Variants in UGGT2 observed in about 807,000 individuals in gnomAD.
UGGT2 encodes UDP-glucose glycoprotein glucosyltransferase 2.
Under a neutral mutation model 192.1 loss-of-function variants are expected in UGGT2, and 180 were observed. That is an observed-to-expected ratio of 0.94 (90% CI 0.83 to 1.06). The LOEUF (loss-of-function observed/expected upper bound fraction) is 1.06, where lower values mean the gene tolerates loss of function less well. UGGT2 is among the 50% of genes least tolerant of loss of function. UGGT2 has a pLI of 0.00. For synonymous variants in UGGT2, 580 were observed against 591.0 expected, an observed-to-expected ratio of 0.98 and a Z score of 0.27; for missense variants, 1,849 against 1,795.7, an observed-to-expected ratio of 1.03 and a Z score of -0.54.
chr13:96,010,762 G>C (rs970981051), intron 5 of UGGT2, among the ~76,000 whole-genome samples: 1 of 152,098 alleles, frequency 6.6e-6, no homozygotes, highest in Non-Finnish European at 1.5e-5. Flanking sequence ...TGTAGATACA[G>C]ACAAGCCGAT....
At position 96,048,243 on chromosome 13, in the gene UGGT2, A is replaced by G. The variant is rs143964160; in HGVS notation, c.158+4912T>C. Among the ~76,000 whole-genome samples the G allele has an allele frequency of 4.2e-4, 64 of 152,368 alleles. 1 individual carries two copies. Among genetic ancestry groups the G allele is most frequent in the African/African-American group, 1.4e-3 (60 of 41,598 alleles). On this transcript the variant is annotated intron_variant, in intron 1 of 38. Coordinates refer to ENST00000376747, the MANE Select transcript of UGGT2 (RefSeq NM_020121.4). ...CTGCTCCTGAATGACTACTGGGTAC[A>G]TAACAAAATGAAGGCAGAAATAAAG...
intron 12 of UGGT2, among the ~76,000 whole-genome samples, chr13:95,951,452 C>T (rs535266338): frequency 1.8e-4 from 27 of 152,300 alleles, no homozygotes; most frequent in African/African-American, 5.3e-4. Flanking sequence ...TATCTTGACC[C>T]AAAGGCAGCT....
intron 27 of UGGT2, among the ~76,000 whole-genome samples, chr13:95,878,686 C>G (rs1160348193): frequency 6.6e-6 from 1 of 152,146 alleles, no homozygotes; most frequent in Non-Finnish European, 1.5e-5. Context: ...AGCAATGTTA[C>G]CTATATCTAA....
At chr13:95,934,727 T>C (rs1018371077) in intron 17 of UGGT2, among the ~76,000 whole-genome samples, 2 of 152,184 alleles carry the variant, frequency 1.3e-5, no homozygotes, top group Admixed American at 1.3e-4. Context: ...CAGGCTGGTC[T>C]CAAACTCCTC....
intron 17 of UGGT2, 110 bp from the exon 18 acceptor site, chr13:95,927,446 G>C: frequency 2.8e-6 from 2 of 718,106 alleles, no homozygotes; most frequent in Non-Finnish European, 4.1e-6. Flanking sequence ...AAGCAATTTA[G>C]AATTATTACA....
intron 20 of UGGT2, among the ~76,000 whole-genome samples, chr13:95,911,153 C>T (rs1269247165): frequency 2.0e-5 from 3 of 152,192 alleles, no homozygotes; most frequent in Admixed American, 6.5e-5. Flanking sequence ...CTAAAATCAA[C>T]ACCCTAACAT....
intron 36 of UGGT2, among the ~76,000 whole-genome samples, chr13:95,849,050 T>C (rs868288361): frequency 1.3e-5 from 2 of 152,200 alleles, no homozygotes; most frequent in Non-Finnish European, 2.9e-5. Context: ...ACTGTGTTTT[T>C]AATTTTAAAT....
At chr13:96,001,545 C>G (rs540898337) in intron 5 of UGGT2, among the ~76,000 whole-genome samples, 37 of 152,278 alleles carry the variant, frequency 2.4e-4, no homozygotes, top group African/African-American at 8.7e-4. Context: ...CACGGACGCG[C>G]ATGAAACTCT....
intron 38 of UGGT2, among the ~76,000 whole-genome samples, chr13:95,816,098 G>C (rs1176311411): frequency 6.6e-6 from 1 of 152,156 alleles, no homozygotes; most frequent in African/African-American, 2.4e-5. Flanking sequence ...CATGCTTCTT[G>C]TAGAGCCTGT....
chr13:95,845,321 G>GCCGCCTT (rs1343040999), intron 36 of UGGT2, among the ~76,000 whole-genome samples: 1 of 143,174 alleles, frequency 7.0e-6, no homozygotes, highest in African/African-American at 2.6e-5. Context: ...AGAGGGCCCT[G>GCCGCCTT]CCGCCTTCCG....
In UGGT2 at chr13:95,902,859, T is replaced by C. The variant is rs757144066; in HGVS notation, c.2497A>G (p.Ile833Val). ...TATTTCAAATAGCTACTGACCTCAA[T>C]AAGGAATGTTTTAATTTTATCTCCA... ...YSGDKIKTFL[I>V]EGMDKNAFEK... The change falls in exon 21 of 39, where the codon ATT becomes GTT. Residue 833 changes from isoleucine to valine, a missense_variant. Transcript: ENST00000376747. 6.2e-6 allele frequency: 10 copies of C among 1,612,264 alleles called. No homozygotes were observed. Among genetic ancestry groups the C allele is most frequent in the Admixed American group, 3.3e-5 (2 of 59,832 alleles).
chr13:95,986,369 A>C lies in UGGT2; in HGVS notation c.995T>G (p.Met332Arg), dbSNP rs1297790402. The part of the protein sequence containing the change: ...SAPVYDSIKL[M>R]KDISQNFPIK... ...GGGGAAGTTCTGTGAAATGTCTTTC[A>C]TTAATTTAATGGAATCATAAACTGG... Residue 332 changes from methionine to arginine, a missense_variant, in exon 9 of 39, where the codon ATG (methionine) becomes AGG (arginine). Met to Arg is a moderately conservative substitution (Grantham distance 91). Coordinates refer to ENST00000376747, the MANE Select transcript of UGGT2 (RefSeq NM_020121.4). 3.7e-6 allele frequency: 6 copies of C among 1,605,082 alleles called. No individual in the cohort carries two copies. Among genetic ancestry groups the C allele is most frequent in the Non-Finnish European group, 5.1e-6 (6 of 1,173,700 alleles).
intron 12 of UGGT2, among the ~76,000 whole-genome samples, chr13:95,962,442 T>C (rs1289843774): frequency 6.6e-6 from 1 of 151,928 alleles, no homozygotes; most frequent in African/African-American, 2.4e-5. Context: ...ACTGGAAACC[T>C]TGGAGGAAAT....
intron 20 of UGGT2, among the ~76,000 whole-genome samples, chr13:95,914,705 C>T (rs909685846): frequency 6.8e-6 from 1 of 148,048 alleles, no homozygotes; most frequent in East Asian, 2.0e-4. Context: ...GAGGCTGAGG[C>T]AGGAGAATCA....
intron 4 of UGGT2, among the ~76,000 whole-genome samples, chr13:96,015,273 G>A (rs1210652889): frequency 8.9e-5 from 11 of 122,910 alleles, no homozygotes; most frequent in South Asian, 2.7e-4. Flanking sequence ...GCAAGACTCC[G>A]TCTCAAAAAA....
chr13:95,855,106 TAAAAAAAAAAAAAAAAA>T (rs10713359), intron 34 of UGGT2, among the ~76,000 whole-genome samples: 92 of 49,966 alleles, frequency 1.8e-3, no homozygotes, highest in African/African-American at 7.2e-3. Flanking sequence ...ACCCTGTCTG[TAAAAAAAAAAAAAAAAA>T]AAAAAAAAAA....
At chr13:95,945,890 A>G (rs994036671) in intron 15 of UGGT2, among the ~76,000 whole-genome samples, 23 of 152,090 alleles carry the variant, frequency 1.5e-4, no homozygotes, top group African/African-American at 5.3e-4. Context: ...GTATTTAATG[A>G]TTTTCCTGGG....
chr13:95,862,122 T>A (rs1294888666), intron 31 of UGGT2, among the ~76,000 whole-genome samples: 1 of 152,166 alleles, frequency 6.6e-6, no homozygotes, highest in Non-Finnish European at 1.5e-5. Flanking sequence ...ATCATCTCAA[T>A]GAGTGGACTT....
chr13:96,010,983 T>C (rs1390484555), intron 5 of UGGT2, among the ~76,000 whole-genome samples: 4 of 152,164 alleles, frequency 2.6e-5, no homozygotes, highest in Admixed American at 6.5e-5. Context: ...AATTATATTT[T>C]ACAAGTGGAT....
Sources: allele counts gnomAD v4.1 joint callset (sites outside exome capture counted in the v4.1 genomes callset), GRCh38; gene constraint gnomAD v4.1.1; transcripts MANE v1.5; gene names NCBI Gene and HGNC (gene_info 2026-07-23, HGNC 2026-07-21).